Variants in FSTL5 observed in about 807,000 individuals in gnomAD.
FSTL5 encodes follistatin-related protein 5.
FSTL5 carries 62 observed loss-of-function variants against 89.1 expected under a neutral mutation model. The observed-to-expected ratio is 0.70, with a 90% CI of 0.57 to 0.86. The LOEUF (loss-of-function observed/expected upper bound fraction) is 0.86, where lower values mean the gene tolerates loss of function less well. Ranked by LOEUF, FSTL5 falls within the 40% of genes least tolerant of loss-of-function variation. The probability of loss-of-function intolerance (pLI) is 0.00; values close to 1 mark genes in which losing one functional copy is unlikely to be tolerated. For missense variants in FSTL5, 1,057 were observed against 1,001.6 expected (o/e 1.06, Z -0.75); for synonymous variants, 383 against 346.2 (o/e 1.11, Z -1.18).
chr4:161,661,447 A>T (rs1473376663), intron 6 of FSTL5, among the ~76,000 whole-genome samples: 3 of 152,228 alleles, frequency 2.0e-5, no homozygotes, highest in Admixed American at 2.0e-4. Context: ...TGCTAATTAA[A>T]TGCAGATAGT....
At chr4:161,668,121 C>T (rs1274521917) in intron 6 of FSTL5, among the ~76,000 whole-genome samples, 3 of 151,872 alleles carry the variant, frequency 2.0e-5, no homozygotes, top group African/African-American at 4.8e-5. Flanking sequence ...AACCAATAAG[C>T]CTCAAACCAG....
chr4:162,026,304 C>CTTTGTTTTTTTTTTTTTTTTTTTTTTTTT (rs1737281523), intron 3 of FSTL5, among the ~76,000 whole-genome samples: 1 of 79,474 alleles, frequency 1.3e-5, no homozygotes, highest in Non-Finnish European at 2.2e-5. Flanking sequence ...TATGTATTTT[C>CTTTGTTTTTTTTTTTTTTTTTTTTTTTTT]TTTTTTTTTT....
intron 3 of FSTL5, among the ~76,000 whole-genome samples, chr4:162,027,759 C>G (rs1435432375): frequency 2.7e-5 from 4 of 150,898 alleles, no homozygotes; most frequent in Non-Finnish European, 5.9e-5. Context: ...TTTAGATTCT[C>G]TTATTGGTAA....
chr4:161,592,881 T>A (rs1733876661), intron 7 of FSTL5, among the ~76,000 whole-genome samples: 1 of 152,162 alleles, frequency 6.6e-6, no homozygotes, highest in South Asian at 2.1e-4. Context: ...TAATTTACAC[T>A]CCCACCAACA....
chr4:161,570,855 C>T (rs1446311859), intron 8 of FSTL5, among the ~76,000 whole-genome samples: 1 of 152,114 alleles, frequency 6.6e-6, no homozygotes, highest in Non-Finnish European at 1.5e-5. Context: ...GTGGTTCACA[C>T]CTGTAATCCC....
chr4:161,921,147 T>A (rs757815730), intron 3 of FSTL5, among the ~76,000 whole-genome samples: 2 of 152,078 alleles, frequency 1.3e-5, no homozygotes, highest in Non-Finnish European at 2.9e-5. Context: ...GTAACAGAAT[T>A]GTAGATAGGA....
At chr4:161,997,601 C>CTTT (rs60978465) in intron 3 of FSTL5, among the ~76,000 whole-genome samples, 1,902 of 129,094 alleles carry the variant, frequency 0.015, 58 homozygotes, top group African/African-American at 0.019. Context: ...TACATGTTAT[C>CTTT]TTTTTTTTTT....
At chr4:161,882,568 G>A (rs377135944) in intron 4 of FSTL5, among the ~76,000 whole-genome samples, 2 of 151,970 alleles carry the variant, frequency 1.3e-5, no homozygotes. Flanking sequence ...TAGGGACAAT[G>A]TATTATCCAT....
At chr4:161,829,837 G>T (rs1730787950) in intron 4 of FSTL5, among the ~76,000 whole-genome samples, 1 of 152,008 alleles carries the variant, frequency 6.6e-6, no homozygotes. Flanking sequence ...CAAAATCTCA[G>T]ACACATCCTG....
intron 4 of FSTL5, among the ~76,000 whole-genome samples, chr4:161,789,983 G>A (rs965214677): frequency 2.0e-5 from 3 of 152,100 alleles, no homozygotes; most frequent in African/African-American, 2.4e-5. Context: ...CTCAGTAACC[G>A]AATTAATTTT....
intron 6 of FSTL5, among the ~76,000 whole-genome samples, chr4:161,672,357 G>T (rs559232890): frequency 6.6e-6 from 1 of 152,230 alleles, no homozygotes; most frequent in Admixed American, 6.6e-5. Context: ...TTCTCAAAGT[G>T]CTGAGAGTCA....
chr4:162,130,309 C>T (rs1579051465), intron 1 of FSTL5, among the ~76,000 whole-genome samples: 2 of 152,136 alleles, frequency 1.3e-5, no homozygotes, highest in South Asian at 2.1e-4. Flanking sequence ...ACCCTTATCA[C>T]GTGCATAATA....
chr4:161,818,144 A>G (rs1185199778), intron 4 of FSTL5, among the ~76,000 whole-genome samples: 1 of 152,226 alleles, frequency 6.6e-6, no homozygotes, highest in South Asian at 2.1e-4. Flanking sequence ...CTGGACATCA[A>G]GAAGAATGCA....
rs1208398734 is a variant in FSTL5 at position 161,671,007 on chromosome 4, G to A, written c.728-14513C>T. Among the ~76,000 whole-genome samples, 7 of 152,174 alleles carry A rather than the reference G, an allele frequency of 4.6e-5. No homozygotes were observed. The South Asian group carries it at 8.3e-4, about 18-fold the overall frequency. On this transcript the variant is annotated intron_variant, in intron 6 of 15. Transcript: ENST00000306100. The stretch of plus-strand genomic sequence containing the variant: ...CACAGGTCAAAAGCTTCACAACACT[G>A]ATGAACAGAAAATTACAAAAAAGAG...
intron 6 of FSTL5, among the ~76,000 whole-genome samples, chr4:161,724,240 C>G (rs6834689): frequency 0.93 from 141,426 of 152,160 alleles, 66,097 homozygotes; most frequent in Non-Finnish European, 0.98. Context: ...AATGCTAACA[C>G]GTCTTAAATA....
At chr4:161,440,418 A>G (rs1189440592) in intron 15 of FSTL5, among the ~76,000 whole-genome samples, 6 of 152,012 alleles carry the variant, frequency 3.9e-5, no homozygotes, top group African/African-American at 1.2e-4. Flanking sequence ...GAGCCGAAAA[A>G]GAAAAAAAAA....
At chr4:161,644,461 G>C (rs1736074138) in intron 7 of FSTL5, among the ~76,000 whole-genome samples, 1 of 151,980 alleles carries the variant, frequency 6.6e-6, no homozygotes. Context: ...GGGAGGTGGA[G>C]GTTGTAGTGA....
At chr4:162,118,561 T>A (rs1299447382) in intron 1 of FSTL5, among the ~76,000 whole-genome samples, 1 of 152,192 alleles carries the variant, frequency 6.6e-6, no homozygotes, top group African/African-American at 2.4e-5. Context: ...TCCAGTTTTA[T>A]AAGAGCAATG....
At chr4:161,881,152 T>G (rs571616037) in intron 4 of FSTL5, among the ~76,000 whole-genome samples, 1 of 150,018 alleles carries the variant, frequency 6.7e-6, no homozygotes, top group African/African-American at 2.4e-5. Flanking sequence ...TATTTTGGTT[T>G]AATTTTTTCA....
Sources: gnomAD v4.1 joint callset for allele counts (sites outside exome capture counted in the v4.1 genomes callset) on GRCh38, gnomAD v4.1.1 for gene constraint, MANE v1.5 for transcripts, NCBI Gene and HGNC (gene_info 2026-07-23, HGNC 2026-07-21) for gene names.